RASSF6: variants seen among roughly 807,000 people sequenced by gnomAD.
The protein encoded by RASSF6 is ras association domain-containing protein 6.
Under a neutral mutation model 44.0 loss-of-function variants are expected in RASSF6, and 52 were observed. The ratio of observed to expected loss-of-function variants is 1.18; its 90% confidence interval spans 0.95 to 1.49. RASSF6 has a LOEUF of 1.49. Ranked by LOEUF, RASSF6 falls within the 40% of genes most tolerant of loss-of-function variation. The probability of loss-of-function intolerance (pLI) is 0.00; values close to 1 mark genes in which losing one functional copy is unlikely to be tolerated. For missense variants in RASSF6, 464 were observed against 393.3 expected (o/e 1.18, Z -1.52); for synonymous variants, 162 against 124.6 (o/e 1.30, Z -2.00).
intron 2 of RASSF6, chr4:73,604,711 A>G (rs780636648): frequency 2.0e-5 from 3 of 152,196 alleles, no homozygotes; most frequent in Non-Finnish European, 2.9e-5. Context: ...GTCAGGTTCA[A>G]AAAGCTGAAT....
At chr4:73,614,875 C>T (rs1726248271) in intron 1 of RASSF6, among the ~76,000 whole-genome samples, 2 of 152,060 alleles carry the variant, frequency 1.3e-5, no homozygotes, top group African/African-American at 4.8e-5. Context: ...CATTCATAGG[C>T]AGCACATAAT....
intron 1 of RASSF6, among the ~76,000 whole-genome samples, chr4:73,618,221 T>A (rs1009224855): frequency 6.6e-6 from 1 of 151,770 alleles, no homozygotes; most frequent in Non-Finnish European, 1.5e-5. Flanking sequence ...TAATAGTTTA[T>A]AATAAAATGT....
At chr4:73,616,295 C>T (rs371687400) in intron 1 of RASSF6, among the ~76,000 whole-genome samples, 41 of 151,902 alleles carry the variant, frequency 2.7e-4, no homozygotes, top group African/African-American at 9.0e-4. Context: ...GCTAACTTCC[C>T]TGTATTTCCC....
rs545233293 is a variant in RASSF6 at position 73,584,216 on chromosome 4, A to G, written c.567+964T>C. On this transcript the variant is annotated intron_variant, in intron 6 of 10. Coordinates refer to ENST00000307439, the MANE Select transcript of RASSF6 (RefSeq NM_177532.5). The stretch of plus-strand genomic sequence containing the variant: ...CAAAGACACACTATCGTTACCCCCC[A>G]AGGGTAGAAGAAGAAGAAATAAAGT... 1.2e-4 allele frequency among the ~76,000 whole-genome samples: 18 copies of G among 152,206 alleles called. No individual in the cohort carries two copies. The South Asian group carries it at 2.9e-3, about 25-fold the overall frequency.
chr4:73,609,711 A>T (rs961068876), intron 2 of RASSF6, among the ~76,000 whole-genome samples: 8 of 152,192 alleles, frequency 5.3e-5, no homozygotes, highest in Non-Finnish European at 1.0e-4. Flanking sequence ...GAGGGAGCTA[A>T]AAAACTACTT....
intron 8 of RASSF6, 110 bp downstream of exon 8, chr4:73,581,695 TTTCTCCTACCCA>T (rs1438164565): frequency 3.3e-6 from 2 of 611,176 alleles, no homozygotes; most frequent in African/African-American, 3.8e-5. Flanking sequence ...ACTCCTTCCT[TTTCTCCTACCCA>T]TTCCTCCCCT....
Position 73,581,860 on chromosome 4 carries a change from AT to A in RASSF6, c.677del (p.Asn226IlefsTer20), listed in dbSNP as rs1389103352. On this transcript the variant is annotated frameshift_variant, in exon 8 of 11. Coordinates refer to ENST00000307439, the MANE Select transcript of RASSF6 (RefSeq NM_177532.5). LOFTEE classifies it high-confidence loss of function. ...KQLLQKFKIE[N>X]SPQDFALHII... The stretch of plus-strand genomic sequence containing the variant: ...TGTGAAGAGCAAAATCCTGGGGACT[AT>A]TTTCAATCTGTCAAGGGAAAAAATG... The A allele has an allele frequency of 2.5e-6, 4 of 1,609,854 alleles. No homozygotes were observed. In the South Asian group the frequency reaches 4.4e-5, roughly 18 times the overall value.
At chr4:73,616,157 C>T (rs900315247) in intron 1 of RASSF6, among the ~76,000 whole-genome samples, 1 of 152,130 alleles carries the variant, frequency 6.6e-6, no homozygotes, top group Non-Finnish European at 1.5e-5. Flanking sequence ...TCTGAGGCCA[C>T]AAGGTGCACA....
rs902874520 is a variant in RASSF6 at position 73,572,630 on chromosome 4, CTT to C, written c.*3603_*3604del. 29 of 152,142 alleles carry C rather than the reference CTT, an allele frequency of 1.9e-4. No homozygotes were observed. Among genetic ancestry groups the C allele is most frequent in the Admixed American group, 1.8e-3 (27 of 15,272 alleles). 9.4% of individuals were successfully genotyped at this position (152,142 alleles called of 1,614,324 possible). A position where few individuals can be genotyped will look rare whatever the true frequency, so the allele number is the denominator to read the frequency against. On this transcript the variant is annotated 3_prime_UTR_variant, in exon 11 of 11. Coordinates refer to ENST00000307439, the MANE Select transcript of RASSF6 (RefSeq NM_177532.5). ...ATCTCTTCAAAGGAGAAGAATCAGACTTTATGGATATAAAACTACCACAGAAG... is the reference window on the plus strand; with the variant it reads ...ATCTCTTCAAAGGAGAAGAATCAGACTATGGATATAAAACTACCACAGAAG...
At chr4:73,600,724 C>A (rs1439601735) in intron 2 of RASSF6, among the ~76,000 whole-genome samples, 1 of 2,804 alleles carries the variant, frequency 3.6e-4, no homozygotes, top group East Asian at 0.25. Context: ...CACACAATTG[C>A]CATAAAAAGA....
chr4:73,598,704 G>A lies in RASSF6; in HGVS notation c.80C>T (p.Ser27Phe), dbSNP rs748193699. The change falls in exon 3 of 11, where the codon TCT (serine) becomes TTT (phenylalanine). Residue 27 changes from serine to phenylalanine, a missense_variant. Ser to Phe is a radical substitution (Grantham distance 155). Coordinates refer to ENST00000307439, the MANE Select transcript of RASSF6 (RefSeq NM_177532.5). ...KTFITREQLN[S>F]LLKTYNIFYE... ...AAAAATGTTATAGGTCTTCAATAAA[G>A]AATTAAGTTGTTCCCTAAAAATAAA... The A allele has an allele frequency of 7.3e-7, 1 of 1,371,800 alleles. No homozygotes were observed. The highest frequency in any genetic ancestry group is 9.9e-7 in the Non-Finnish European group (1 of 1,012,990). The allele number at this position is 1,371,800 out of a possible 1,614,324, so 85.0% of individuals were successfully genotyped here.
At chr4:73,613,294 G>A (rs1034016630) in intron 1 of RASSF6, among the ~76,000 whole-genome samples, 4 of 152,208 alleles carry the variant, frequency 2.6e-5, no homozygotes, top group Admixed American at 6.5e-5. Context: ...AATTCTATAC[G>A]TCAGAAGCCA....
rs1726313798 is a variant in RASSF6, at chr4:73,615,754, T to G, written c.-34-3925A>C. The G allele has an allele frequency of 7.5e-6, 5 of 668,848 alleles. No individual in the cohort carries two copies. In the East Asian group the frequency reaches 1.4e-4, roughly 19 times the overall value. 41.4% of individuals were successfully genotyped at this position (668,848 alleles called of 1,614,324 possible). The stretch of plus-strand genomic sequence containing the variant: ...AGAAGTATAGGAGAGGTAGAATTGG[T>G]CTGAACAAGCCAATGAGATCTGGAT... On this transcript the variant is annotated intron_variant, in intron 1 of 10. Coordinates refer to ENST00000307439, the MANE Select transcript of RASSF6 (RefSeq NM_177532.5).
chr4:73,595,137 C>T (rs1266579794), intron 3 of RASSF6, among the ~76,000 whole-genome samples: 1 of 152,146 alleles, frequency 6.6e-6, no homozygotes, highest in African/African-American at 2.4e-5. Context: ...TACACTTCAC[C>T]TCATACAGTT....
chr4:73,587,133 A>AATTC lies in RASSF6; in HGVS notation c.382+706_382+707insGAAT, dbSNP rs563414290. On this transcript the variant is annotated intron_variant, in intron 5 of 10. Transcript: ENST00000307439. ...GAATTACATGAAAAAATTCATATAA[A>AATTC]GTACAAAATATTATGCCTGATACTT... Among the ~76,000 whole-genome samples, 231 of 152,156 alleles carry AATTC rather than the reference A, an allele frequency of 1.5e-3. 5 individuals carry two copies. The South Asian group carries it at 0.043, about 29-fold the overall frequency.
Position 73,573,527 on chromosome 4 carries a change from A to G in RASSF6, c.*2708T>C, listed in dbSNP as rs1723028651. On this transcript the variant is annotated 3_prime_UTR_variant, in exon 11 of 11. Coordinates refer to ENST00000307439, the MANE Select transcript of RASSF6 (RefSeq NM_177532.5). ...ACAATATAAAACATATCTTTGCAGAATGTCTTTGTATCTCTGGTTATTTTC... is the reference window on the plus strand; with the variant it reads ...ACAATATAAAACATATCTTTGCAGAGTGTCTTTGTATCTCTGGTTATTTTC... The G allele has an allele frequency of 6.6e-6, 1 of 152,224 alleles. No individual in the cohort carries two copies. The highest frequency in any genetic ancestry group is 1.5e-5 in the Non-Finnish European group (1 of 68,030). 9.4% of individuals were successfully genotyped at this position (152,224 alleles called of 1,614,324 possible).
At chr4:73,593,754 C>T (rs574784218) in intron 3 of RASSF6, among the ~76,000 whole-genome samples, 161 bp from the exon 4 acceptor site, 2 of 152,186 alleles carry the variant, frequency 1.3e-5, no homozygotes, top group Non-Finnish European at 2.9e-5. Context: ...CAAAGCAATT[C>T]TATTTTTGAA....
chr4:73,576,075 C>T lies in RASSF6; in HGVS notation c.*160G>A, dbSNP rs1296802894. 3 of 513,146 alleles carry T rather than the reference C, an allele frequency of 5.8e-6. No homozygotes were observed. The highest frequency in any genetic ancestry group is 3.9e-5 in the African/African-American group (2 of 50,722). The allele number at this position is 513,146 out of a possible 1,614,324, so 31.8% of individuals were successfully genotyped here. Reference sequence around the variant, plus strand: ...TGTCCAACTGTGAACCCTAATTAACCTCATCACTTCAAAAAGAAATGAGCT... The same window carrying T: ...TGTCCAACTGTGAACCCTAATTAACTTCATCACTTCAAAAAGAAATGAGCT... On this transcript the variant is annotated 3_prime_UTR_variant, in exon 11 of 11. Transcript: ENST00000307439.
chr4:73,587,962 A>C (rs202103135), intron 4 of RASSF6, 28 bp from the exon 5 acceptor site: 118 of 1,421,812 alleles, frequency 8.3e-5, no homozygotes, highest in Admixed American at 1.2e-4. Flanking sequence ...TTGTAAGTAC[A>C]TCAGTTCCAT....
Sources: gnomAD v4.1 joint callset for allele counts (sites outside exome capture counted in the v4.1 genomes callset) on GRCh38, gnomAD v4.1.1 for gene constraint, MANE v1.5 for transcripts, NCBI Gene and HGNC (gene_info 2026-07-23, HGNC 2026-07-21) for gene names.